The following SGCZ variants were observed in gnomAD, a reference collection of about 807,000 sequenced individuals.
The protein encoded by SGCZ is sarcoglycan zeta, also known as zeta-sarcoglycan.
A neutral mutation model predicts 41.3 loss-of-function variants in SGCZ; 40 were observed. The ratio of observed to expected loss-of-function variants is 0.97; its 90% CI spans 0.75 to 1.26. The LOEUF (loss-of-function observed/expected upper bound fraction) is 1.26. SGCZ is among the 50% of genes most tolerant of loss of function. The pLI is 0.00. For missense variants in SGCZ, 552 were observed against 369.8 expected, an observed-to-expected ratio of 1.49 and a Z score of -4.04; for synonymous variants, 206 against 137.5, an observed-to-expected ratio of 1.50 and a Z score of -3.49.
chr8:14,739,989 G>T (rs1799151931), intron 1 of SGCZ, among the ~76,000 whole-genome samples: 1 of 151,950 alleles, frequency 6.6e-6, no homozygotes. Context: ...AGCTCCTTTT[G>T]CAAGCACATC....
intron 1 of SGCZ, among the ~76,000 whole-genome samples, chr8:14,904,827 T>G (rs528903362): frequency 6.6e-6 from 1 of 152,100 alleles, no homozygotes; most frequent in South Asian, 2.1e-4. Flanking sequence ...CGTCACAGAT[T>G]TTCTCTATAA....
At chr8:14,575,106 CA>C (rs1804667688) in intron 1 of SGCZ, among the ~76,000 whole-genome samples, 1 of 151,924 alleles carries the variant, frequency 6.6e-6, no homozygotes, top group Non-Finnish European at 1.5e-5. Context: ...TTTTTTGCTT[CA>C]AAATGAAAAT....
At chr8:14,624,215 G>A (rs929208670) in intron 1 of SGCZ, among the ~76,000 whole-genome samples, 1 of 152,058 alleles carries the variant, frequency 6.6e-6, no homozygotes, top group Admixed American at 6.6e-5. Context: ...TATCATATAA[G>A]ATTTAACAAA....
At chr8:14,406,491 G>C (rs767127821) in intron 2 of SGCZ, among the ~76,000 whole-genome samples, 5 of 152,096 alleles carry the variant, frequency 3.3e-5, no homozygotes, top group Non-Finnish European at 7.4e-5. Context: ...AATCGTAGCT[G>C]GAATATAGTG....
chr8:14,330,139 G>A lies in SGCZ; in HGVS notation c.235-5935C>T, dbSNP rs1252844769. On this transcript the variant is annotated intron_variant, in intron 2 of 7. Transcript: ENST00000382080. ...GCTCTATTAGTATTTCTTATAAAAT[G>A]TATCATATTCTGATTCTAATTTTAG... 4.6e-5 allele frequency among the ~76,000 whole-genome samples: 7 copies of A among 152,084 alleles called. No individual in the cohort carries two copies. In the East Asian group the frequency reaches 1.4e-3, roughly 29 times the overall value.
intron 1 of SGCZ, among the ~76,000 whole-genome samples, chr8:15,142,012 G>T (rs557175780): frequency 1.3e-5 from 2 of 152,160 alleles, no homozygotes; most frequent in African/African-American, 4.8e-5. Context: ...CATCAAGAAA[G>T]CTCAATTGGA....
intron 1 of SGCZ, among the ~76,000 whole-genome samples, chr8:14,809,106 G>A (rs903313944): frequency 2.7e-5 from 4 of 149,958 alleles, no homozygotes; most frequent in South Asian, 4.2e-4. Flanking sequence ...GGGAGGGATA[G>A]CATTGGGAGA....
At chr8:14,726,343 A>ATATATAT (rs1563228602) in intron 1 of SGCZ, among the ~76,000 whole-genome samples, 3 of 94,080 alleles carry the variant, frequency 3.2e-5, no homozygotes, top group Admixed American at 1.0e-4. Flanking sequence ...TATATATATA[A>ATATATAT]AATTAGATAG....
chr8:15,213,761 C>CTATCTAGTATAA (rs1801311212), intron 1 of SGCZ, among the ~76,000 whole-genome samples: 2 of 151,724 alleles, frequency 1.3e-5, no homozygotes, highest in South Asian at 4.1e-4. Flanking sequence ...AGATATAATA[C>CTATCTAGTATAA]TGTTTTATGT....
chr8:14,895,192 T>A (rs1353212838), intron 1 of SGCZ, among the ~76,000 whole-genome samples: 1 of 152,198 alleles, frequency 6.6e-6, no homozygotes, highest in African/African-American at 2.4e-5. Context: ...ATAACAGTTG[T>A]TGCCAACTAG....
intron 5 of SGCZ, among the ~76,000 whole-genome samples, chr8:14,146,178 G>C (rs1021328916): frequency 2.0e-5 from 3 of 152,108 alleles, no homozygotes; most frequent in Admixed American, 6.6e-5. Context: ...CAATGATAAA[G>C]AAAGGATTCT....
At chr8:15,235,813 C>T (rs1802101574) in intron 1 of SGCZ, among the ~76,000 whole-genome samples, 1 of 152,134 alleles carries the variant, frequency 6.6e-6, no homozygotes, top group Non-Finnish European at 1.5e-5. Flanking sequence ...CTAAAGTTAA[C>T]CAAAAAATAA....
chr8:14,666,007 T>C (rs942429569), intron 1 of SGCZ, among the ~76,000 whole-genome samples: 2 of 152,252 alleles, frequency 1.3e-5, no homozygotes, highest in African/African-American at 4.8e-5. Flanking sequence ...CATGTAAGCC[T>C]TGCAGCATTA....
intron 1 of SGCZ, among the ~76,000 whole-genome samples, chr8:14,575,626 G>T (rs1804682280): frequency 1.3e-5 from 2 of 152,034 alleles, no homozygotes; most frequent in African/African-American, 2.4e-5. Context: ...TGAATTGAGG[G>T]CCAGGCACAG....
At chr8:14,479,143 G>A (rs7842625) in intron 2 of SGCZ, among the ~76,000 whole-genome samples, 4,111 of 152,274 alleles carry the variant, frequency 0.027, 73 homozygotes, top group East Asian at 0.078. Context: ...AAGCTGAGAA[G>A]CAAGGAAGCC....
At chr8:14,788,691 A>T (rs1487149338) in intron 1 of SGCZ, among the ~76,000 whole-genome samples, 2 of 152,232 alleles carry the variant, frequency 1.3e-5, no homozygotes, top group East Asian at 1.9e-4. Context: ...GTTACCAACA[A>T]TTATGTTCTA....
chr8:14,130,449 G>T (rs1438124479), intron 5 of SGCZ, among the ~76,000 whole-genome samples: 1 of 151,980 alleles, frequency 6.6e-6, no homozygotes, highest in African/African-American at 2.4e-5. Flanking sequence ...GAGCAAGATA[G>T]CTGACTAGGG....
intron 1 of SGCZ, among the ~76,000 whole-genome samples, chr8:15,187,130 C>T (rs1800373237): frequency 2.0e-5 from 3 of 152,108 alleles, no homozygotes; most frequent in Admixed American, 1.3e-4. Context: ...CTAGCTGATT[C>T]TTGAATTAAG....
intron 1 of SGCZ, among the ~76,000 whole-genome samples, chr8:14,631,059 A>G (rs1473690894): frequency 1.3e-5 from 2 of 152,090 alleles, no homozygotes; most frequent in African/African-American, 4.8e-5. Context: ...ATGTAATAAA[A>G]AAGAAAGGTG....
Sources: gnomAD v4.1 joint callset for allele counts (sites outside exome capture counted in the v4.1 genomes callset) on GRCh38, gnomAD v4.1.1 for gene constraint, MANE v1.5 for transcripts, NCBI Gene and HGNC (gene_info 2026-07-23, HGNC 2026-07-21) for gene names.